CMTM8: variants seen among roughly 807,000 people sequenced by gnomAD.
The protein encoded by CMTM8 is CKLF like MARVEL transmembrane domain containing 8.
CMTM8 carries 12 observed loss-of-function variants against 18.6 expected under a neutral mutation model. The ratio of observed to expected loss-of-function variants is 0.65; its 90% CI spans 0.41 to 1.05. The LOEUF is 1.05. Among genes scored for constraint, CMTM8 ranks in the 50% least tolerant of loss-of-function variants. The pLI, the probability that CMTM8 is intolerant of heterozygous loss-of-function variation, is 0.00. For synonymous variants in CMTM8, 87 were observed against 90.6 expected (o/e 0.96, Z 0.23); for missense variants, 217 against 227.2 (o/e 0.95, Z 0.29).
At chr3:32,249,141 T>C (rs1702082538) in intron 1 of CMTM8, among the ~76,000 whole-genome samples, 1 of 150,240 alleles carries the variant, frequency 6.7e-6, no homozygotes, top group South Asian at 2.1e-4. Flanking sequence ...TGTTTAATAT[T>C]GAAGTGGCTC....
intron 1 of CMTM8, among the ~76,000 whole-genome samples, chr3:32,293,055 T>C (rs1201679362): frequency 1.4e-5 from 2 of 145,472 alleles, no homozygotes; most frequent in Non-Finnish European, 3.0e-5. Flanking sequence ...CCAGAATATA[T>C]GATGTGTGTA....
chr3:32,261,321 A>G (rs1702255230), intron 1 of CMTM8, among the ~76,000 whole-genome samples: 2 of 152,218 alleles, frequency 1.3e-5, no homozygotes, highest in Admixed American at 1.3e-4. Context: ...ATATAGTGGT[A>G]AATAGCACCT....
Position 32,341,206 on chromosome 3 carries a change from C to T in CMTM8, c.148-16167C>T, listed in dbSNP as rs114858179. The stretch of plus-strand genomic sequence containing the variant: ...TGGCCCAACAGTGGTGGGCAGCTGC[C>T]GGGCATCTTGTTTTGCAGACGTGAC... On this transcript the variant is annotated intron_variant, in intron 1 of 3. Coordinates refer to ENST00000307526, the MANE Select transcript of CMTM8 (RefSeq NM_178868.5). Among the ~76,000 whole-genome samples the T allele has an allele frequency of 3.4e-3, 512 of 152,296 alleles. 3 individuals carry two copies. Among genetic ancestry groups the T allele is most frequent in the African/African-American group, 0.012 (495 of 41,568 alleles).
At chr3:32,328,941 C>A (rs1210828339) in intron 1 of CMTM8, among the ~76,000 whole-genome samples, 1 of 152,036 alleles carries the variant, frequency 6.6e-6, no homozygotes, top group Non-Finnish European at 1.5e-5. Flanking sequence ...AAAACTCTTA[C>A]AAAAAATTGA....
intron 1 of CMTM8, among the ~76,000 whole-genome samples, chr3:32,314,624 C>T (rs1028286788): frequency 1.3e-5 from 2 of 152,032 alleles, no homozygotes; most frequent in Non-Finnish European, 1.5e-5. Context: ...GGATTACAGG[C>T]GCATGCCACC....
intron 1 of CMTM8, among the ~76,000 whole-genome samples, chr3:32,276,706 A>G (rs1702524556): frequency 6.6e-6 from 1 of 152,004 alleles, no homozygotes; most frequent in African/African-American, 2.4e-5. Context: ...CCACAAAATG[A>G]GCTTTGGATG....
chr3:32,250,228 C>T (rs903472483), intron 1 of CMTM8, among the ~76,000 whole-genome samples: 2 of 152,176 alleles, frequency 1.3e-5, no homozygotes, highest in African/African-American at 4.8e-5. Flanking sequence ...TTGATTGATG[C>T]ACATCTCTAC....
At chr3:32,267,592 T>C (rs933591792) in intron 1 of CMTM8, among the ~76,000 whole-genome samples, 2 of 152,098 alleles carry the variant, frequency 1.3e-5, no homozygotes, top group Non-Finnish European at 2.9e-5. Flanking sequence ...AAAGCCAAAA[T>C]TCACAAGTGG....
chr3:32,369,212 G>A (rs1300175163), intron 3 of CMTM8, among the ~76,000 whole-genome samples: 1 of 152,158 alleles, frequency 6.6e-6, no homozygotes, highest in African/African-American at 2.4e-5. Flanking sequence ...TACTTGGGAT[G>A]CTGAGGCAGG....
chr3:32,344,684 T>C (rs1249700784), intron 1 of CMTM8, among the ~76,000 whole-genome samples: 1 of 152,104 alleles, frequency 6.6e-6, no homozygotes, highest in Non-Finnish European at 1.5e-5. Context: ...CACTTGAGTC[T>C]AGGAGTTCGA....
chr3:32,354,167 TA>T (rs35976623), intron 1 of CMTM8, among the ~76,000 whole-genome samples: 12,244 of 149,180 alleles, frequency 0.082, 601 homozygotes, highest in East Asian at 0.19. Flanking sequence ...AGTCTTAGCC[TA>T]AAAAAAAAAT....
chr3:32,327,962 A>G (rs1696194603), intron 1 of CMTM8, among the ~76,000 whole-genome samples: 1 of 152,204 alleles, frequency 6.6e-6, no homozygotes, highest in Admixed American at 6.5e-5. Context: ...TGTAATCCCA[A>G]CATTTTGGGA....
intron 1 of CMTM8, among the ~76,000 whole-genome samples, chr3:32,356,684 G>T (rs13075878): frequency 6.6e-6 from 1 of 152,072 alleles, no homozygotes; most frequent in South Asian, 2.1e-4. Context: ...ATGCCCAGAG[G>T]TTCGTCCCTT....
At chr3:32,306,640 T>C (rs746752779) in intron 1 of CMTM8, among the ~76,000 whole-genome samples, 2 of 152,180 alleles carry the variant, frequency 1.3e-5, no homozygotes, top group African/African-American at 2.4e-5. Flanking sequence ...AGGAGTAAGA[T>C]TGCTGAGGCA....
chr3:32,334,391 G>A (rs80128765), intron 1 of CMTM8, among the ~76,000 whole-genome samples: 25,760 of 151,894 alleles, frequency 0.17, 2,323 homozygotes, highest in South Asian at 0.24. Flanking sequence ...CAGATCACGA[G>A]GTCAGGAGAT....
chr3:32,339,196 G>A (rs1484768854), intron 1 of CMTM8, among the ~76,000 whole-genome samples: 1 of 152,188 alleles, frequency 6.6e-6, no homozygotes, highest in East Asian at 1.9e-4. Context: ...CAGCCCAGTA[G>A]GTCAATTTCC....
At chr3:32,339,690 G>A (rs1487716325) in intron 1 of CMTM8, among the ~76,000 whole-genome samples, 2 of 152,072 alleles carry the variant, frequency 1.3e-5, no homozygotes, top group South Asian at 2.1e-4. Context: ...TAGGCCGGGC[G>A]CGGTGGCTCA....
At chr3:32,275,588 A>G (rs902108818) in intron 1 of CMTM8, among the ~76,000 whole-genome samples, 4 of 144,436 alleles carry the variant, frequency 2.8e-5, no homozygotes, top group African/African-American at 1.0e-4. Context: ...CCTCAAAGGT[A>G]TTGGTGAAAT....
chr3:32,321,457 G>A (rs1696050465), intron 1 of CMTM8, among the ~76,000 whole-genome samples: 1 of 152,116 alleles, frequency 6.6e-6, no homozygotes, highest in Non-Finnish European at 1.5e-5. Context: ...CTGAGGATGA[G>A]TGTGCCCTCC....
Sources: gnomAD v4.1 joint callset for allele counts (sites outside exome capture counted in the v4.1 genomes callset) on GRCh38, gnomAD v4.1.1 for gene constraint, MANE v1.5 for transcripts, NCBI Gene and HGNC (gene_info 2026-07-23, HGNC 2026-07-21) for gene names.